Variants in FBXO45 observed in about 807,000 individuals in gnomAD.
FBXO45 encodes the protein F-box/SPRY domain-containing protein 1.
In FBXO45, 3 loss-of-function variants were observed where a neutral mutation model predicts 25.5. The observed-to-expected ratio is 0.12, with a 90% confidence interval of 0.05 to 0.30. FBXO45 has a LOEUF of 0.30. Among genes scored for constraint, FBXO45 ranks in the 10% least tolerant of loss-of-function variants. The probability of loss-of-function intolerance (pLI) is 1.00; values close to 1 mark genes in which losing one functional copy is unlikely to be tolerated. For missense variants in FBXO45, 219 were observed against 365.0 expected, an observed-to-expected ratio of 0.60 and a Z score of 3.26; for synonymous variants, 155 against 149.8, an observed-to-expected ratio of 1.03 and a Z score of -0.25.
At chr3:196,573,848 A>G (rs1019050856) in intron 1 of FBXO45, among the ~76,000 whole-genome samples, 1 of 151,940 alleles carries the variant, frequency 6.6e-6, no homozygotes, top group African/African-American at 2.4e-5. Flanking sequence ...CTAGGTCTTC[A>G]TGCTGCTTTT....
At chr3:196,576,418 C>T (rs759762929) in intron 1 of FBXO45, among the ~76,000 whole-genome samples, 70 of 152,234 alleles carry the variant, frequency 4.6e-4, no homozygotes, top group Non-Finnish European at 8.8e-4. Context: ...CGTAGTGACT[C>T]GAACCTGTAA....
chr3:196,583,302 T>G (rs1736048240), intron 2 of FBXO45, among the ~76,000 whole-genome samples: 1 of 152,154 alleles, frequency 6.6e-6, no homozygotes, highest in Non-Finnish European at 1.5e-5. Flanking sequence ...GGTCAGGAGA[T>G]GGAGACCATC....
chr3:196,576,790 G>A (rs6583322), intron 1 of FBXO45, among the ~76,000 whole-genome samples: 121,939 of 152,162 alleles, frequency 0.8, 49,249 homozygotes, highest in East Asian at 0.97. Context: ...TTTTTATTGT[G>A]TAAGTCATAT....
At chr3:196,578,145 A>G (rs144243462) in intron 2 of FBXO45, among the ~76,000 whole-genome samples, 4,624 of 148,112 alleles carry the variant, frequency 0.031, 129 homozygotes, top group South Asian at 0.074. Context: ...GGTTCAAGCA[A>G]TTCTCTGCCT....
At chr3:196,574,184 C>T (rs146534714) in intron 1 of FBXO45, among the ~76,000 whole-genome samples, 1,654 of 152,194 alleles carry the variant, frequency 0.011, 35 homozygotes, top group African/African-American at 0.038. Flanking sequence ...CCGCCTGCCT[C>T]GGCCTCCTGA....
intron 1 of FBXO45, among the ~76,000 whole-genome samples, chr3:196,570,785 C>T (rs1391388239): frequency 1.3e-5 from 2 of 148,412 alleles, no homozygotes; most frequent in African/African-American, 2.5e-5. Flanking sequence ...GATCTCAGCT[C>T]ACTGCAACCT....
intron 2 of FBXO45, among the ~76,000 whole-genome samples, chr3:196,579,155 A>G (rs1384197009): frequency 6.6e-6 from 1 of 152,212 alleles, no homozygotes; most frequent in African/African-American, 2.4e-5. Flanking sequence ...TAAAAGCCGT[A>G]TTTATTACTA....
intron 2 of FBXO45, among the ~76,000 whole-genome samples, chr3:196,580,070 G>A (rs111903555): frequency 6.6e-6 from 1 of 151,726 alleles, no homozygotes; most frequent in South Asian, 2.1e-4. Flanking sequence ...TCGGCTCACC[G>A]CAACCTCCAC....
At chr3:196,580,970 A>G (rs975629980) in intron 2 of FBXO45, among the ~76,000 whole-genome samples, 1 of 151,638 alleles carries the variant, frequency 6.6e-6, no homozygotes, top group Non-Finnish European at 1.5e-5. Context: ...TATTTTTTGT[A>G]GAGACAGGGT....
chr3:196,577,398 A>G, intron 1 of FBXO45, 55 bp from the exon 2 acceptor site: 1 of 1,305,488 alleles, frequency 7.7e-7, no homozygotes, highest in Non-Finnish European at 1.0e-6. Flanking sequence ...GGTAATTTTT[A>G]ATATTTAAGA....
intron 1 of FBXO45, among the ~76,000 whole-genome samples, chr3:196,575,738 G>A (rs1010979753): frequency 3.3e-4 from 50 of 150,104 alleles, no homozygotes; most frequent in Non-Finnish European, 6.5e-4. Context: ...GTGCAGTGGT[G>A]TGATTTTGGC....
chr3:196,583,884 G>A (rs528228882), intron 2 of FBXO45, among the ~76,000 whole-genome samples: 16 of 152,246 alleles, frequency 1.1e-4, no homozygotes, highest in Non-Finnish European at 1.9e-4. Flanking sequence ...TTGAACTCCT[G>A]GGCTCAAGCA....
chr3:196,580,536 G>A (rs940305536), intron 2 of FBXO45, among the ~76,000 whole-genome samples: 4 of 152,116 alleles, frequency 2.6e-5, no homozygotes, highest in Non-Finnish European at 5.9e-5. Flanking sequence ...TGTTGGTCAG[G>A]CTGGTCTCGA....
chr3:196,571,814 T>C (rs974273108), intron 1 of FBXO45, among the ~76,000 whole-genome samples: 2 of 152,234 alleles, frequency 1.3e-5, no homozygotes, highest in African/African-American at 4.8e-5. Flanking sequence ...ATAGATGTTG[T>C]AGACTTGTAC....
At position 196,569,673 on chromosome 3, in the gene FBXO45, C is replaced by T. The variant is rs961833706; in HGVS notation, c.318+371C>T. Among the ~76,000 whole-genome samples, 4 of 152,200 alleles carry T rather than the reference C, an allele frequency of 2.6e-5. No homozygotes were observed. The highest frequency in any genetic ancestry group is 9.7e-5 in the African/African-American group (4 of 41,434). On this transcript the variant is annotated intron_variant, in intron 1 of 2. Coordinates refer to ENST00000311630, the MANE Select transcript of FBXO45 (RefSeq NM_001105573.2). This position sits in a 1 kb window ranked among gnomAD's most constrained non-coding sequence, Gnocchi z 4.1. Reference sequence around the variant, plus strand: ...TCATTATATTAAATAATCCCGGCCACCTTAACATGGGCTTAGTTTCTAAGT... The same window carrying T: ...TCATTATATTAAATAATCCCGGCCATCTTAACATGGGCTTAGTTTCTAAGT...
intron 2 of FBXO45, among the ~76,000 whole-genome samples, chr3:196,581,060 A>G (rs558328349): frequency 1.3e-5 from 2 of 152,306 alleles, no homozygotes; most frequent in South Asian, 2.1e-4. Context: ...TGCTGGGATT[A>G]TAGGCATGAA....
intron 1 of FBXO45, among the ~76,000 whole-genome samples, chr3:196,576,891 T>C (rs1214012312): frequency 6.6e-6 from 1 of 152,244 alleles, no homozygotes; most frequent in African/African-American, 2.4e-5. Flanking sequence ...TTCTGTTTTA[T>C]GTAAAATATA....
Position 196,577,488 on chromosome 3 carries a change from C to T in FBXO45, c.354C>T (p.Asp118=), listed in dbSNP as rs1735934639. 1 of 1,610,966 alleles carries T rather than the reference C, an allele frequency of 6.2e-7. No individual in the cohort carries two copies. Among genetic ancestry groups the T allele is most frequent in the Non-Finnish European group, 8.5e-7 (1 of 1,177,466 alleles). ...RAFQHAFSTN[D]CSRNVYIKKN... The stretch of plus-strand genomic sequence containing the variant: ...TTCAACATGCCTTCAGCACTAATGA[C>T]TGCTCCAGGAATGTCTACATTAAGA... Residue 118 remains aspartate (D), a synonymous_variant, in exon 2 of 3, where the codon GAC becomes GAT. Transcript: ENST00000311630.
intron 2 of FBXO45, among the ~76,000 whole-genome samples, chr3:196,578,293 C>A (rs957904560): frequency 6.6e-6 from 1 of 152,026 alleles, no homozygotes; most frequent in Admixed American, 6.5e-5. Flanking sequence ...CCTTGGCCTC[C>A]CAAAGTGCTG....
Sources: gnomAD v4.1 joint callset for allele counts (sites outside exome capture counted in the v4.1 genomes callset) on GRCh38, gnomAD v4.1.1 for gene constraint, Gnocchi (gnomAD v3.1) non-coding constraint, MANE v1.5 for transcripts, NCBI Gene and HGNC (gene_info 2026-07-23, HGNC 2026-07-21) for gene names.